Variants in GDPD3 observed in about 807,000 individuals in gnomAD.
GDPD3 encodes glycerophosphodiester phosphodiesterase domain containing 3.
In GDPD3, 40 loss-of-function variants were observed where a neutral mutation model predicts 43.7. That is an observed-to-expected ratio of 0.91 (90% CI 0.71 to 1.19). GDPD3 has a LOEUF of 1.19. GDPD3 is among the 50% of genes most tolerant of loss of function. The pLI is 0.00. For missense variants in GDPD3, 363 were observed against 415.8 expected (o/e 0.87, Z 1.11); for synonymous variants, 145 against 162.9 (o/e 0.89, Z 0.84).
intron 9 of GDPD3, among the ~76,000 whole-genome samples, chr16:30,105,876 C>T (rs987221797): frequency 2.0e-5 from 3 of 151,280 alleles, no homozygotes; most frequent in South Asian, 2.1e-4. Context: ...TTTGGGAGGC[C>T]GAGGCAGGCA....
Position 30,111,217 on chromosome 16 carries a change from G to A in GDPD3, c.707+171C>T. 3 of 703,510 alleles carry A rather than the reference G, an allele frequency of 4.3e-6. No individual in the cohort carries two copies. The South Asian group carries it at 5.6e-5, about 13-fold the overall frequency. 43.6% of individuals were successfully genotyped at this position (703,510 alleles called of 1,614,324 possible). A position where few individuals can be genotyped will look rare whatever the true frequency, so the allele number is the denominator to read the frequency against. On this transcript the variant is annotated intron_variant, in intron 7 of 9. Coordinates refer to ENST00000406256, the MANE Select transcript of GDPD3 (RefSeq NM_024307.3). ...ACTCCACATATGCACAGAATTTCAG[G>A]GTGTTCACAGTTCCCTTAGTATTCA...
rs750330096 is a variant in GDPD3, at chr16:30,112,650, G to A, written c.318+8C>T. On this transcript the variant is annotated splice_region_variant and intron_variant, in intron 3 of 9. Coordinates refer to ENST00000406256, the MANE Select transcript of GDPD3 (RefSeq NM_024307.3). The surrounding 1 kb of genome is among the most constrained non-coding windows in gnomAD (Gnocchi z 5.4). Reference sequence around the variant, plus strand: ...GGGTGGGGGTTGGGGTGTCAGGGCAGGGCCCACCTCGAAGTCCAGGCTGCC... The same window carrying A: ...GGGTGGGGGTTGGGGTGTCAGGGCAAGGCCCACCTCGAAGTCCAGGCTGCC... 6.2e-7 allele frequency: 1 copy of A among 1,614,128 alleles called. No homozygotes were observed. The highest frequency in any genetic ancestry group is 8.5e-7 in the Non-Finnish European group (1 of 1,179,998).
Position 30,104,879 on chromosome 16 carries a change from G to C in GDPD3, c.950C>G (p.Thr317Ser), listed in dbSNP as rs772473273. The C allele has an allele frequency of 6.2e-7, 1 of 1,612,470 alleles. No homozygotes were observed. Among genetic ancestry groups the C allele is most frequent in the Non-Finnish European group, 8.5e-7 (1 of 1,180,002 alleles). Residue 317 changes from threonine (T) to serine (S), a missense_variant, in exon 10 of 10, where the codon ACC becomes AGC. By Grantham distance (58) the Thr-to-Ser change is moderately conservative. Transcript: ENST00000406256. ...ACCTCGAGGCTTCTGGACTTAGGAG[G>C]TCCGGGCAGCTGGTCCATGGTTGTC... ...YLDNHGPAAR[T>S]S
Position 30,104,928 on chromosome 16 carries a change from G to A in GDPD3, c.901C>T (p.Pro301Ser). The A allele has an allele frequency of 6.2e-7, 1 of 1,612,850 alleles. No homozygotes were observed. Among genetic ancestry groups the A allele is most frequent in the Non-Finnish European group, 8.5e-7 (1 of 1,179,978 alleles). ...TCCAGGTAGTGCCGCAGGGCTGTGGGATAATCCGTTATGACGCCAGTGGCT... is the reference window on the plus strand; with the variant it reads ...TCCAGGTAGTGCCGCAGGGCTGTGGAATAATCCGTTATGACGCCAGTGGCT... ...VGATGVITDYPTALRHYLDNH... is the reference protein window; with the variant it reads ...VGATGVITDYSTALRHYLDNH... The change falls in exon 10 of 10, where the codon CCC becomes TCC. Residue 301 changes from proline to serine, a missense_variant. Coordinates refer to ENST00000406256, the MANE Select transcript of GDPD3 (RefSeq NM_024307.3).
chr16:30,113,146 G>A lies in GDPD3; in HGVS notation c.140-82C>T, dbSNP rs1339995262. On this transcript the variant is annotated intron_variant, in intron 1 of 9. Coordinates refer to ENST00000406256, the MANE Select transcript of GDPD3 (RefSeq NM_024307.3). The surrounding 1 kb of genome is among the most constrained non-coding windows in gnomAD (Gnocchi z 5.9). ...CCTCATCACCCACATTCCCTCTCTG[G>A]GCTCCATCCTCCCTCTGGCCTCACC... is the stretch of plus-strand genomic sequence containing the variant. 7.1e-7 allele frequency: 1 copy of A among 1,413,962 alleles called. No individual in the cohort carries two copies. Among genetic ancestry groups the A allele is most frequent in the Non-Finnish European group, 9.8e-7 (1 of 1,017,842 alleles). The allele number at this position is 1,413,962 out of a possible 1,614,324, so 87.6% of individuals were successfully genotyped here.
intron 7 of GDPD3, 44 bp from the exon 8 acceptor site, chr16:30,108,476 T>A: frequency 6.3e-7 from 1 of 1,589,702 alleles, no homozygotes; most frequent in Non-Finnish European, 8.6e-7. Flanking sequence ...GGGTCTCCCC[T>A]GTCCCAGAGG....
intron 7 of GDPD3, among the ~76,000 whole-genome samples, chr16:30,109,035 T>TGG (rs2072881130): frequency 2.0e-5 from 3 of 152,074 alleles, no homozygotes; most frequent in East Asian, 3.9e-4. Flanking sequence ...TTTCACCCTG[T>TGG]TAGCCAGGAT....
rs765510676 is a variant in GDPD3, at chr16:30,113,520, C to T, written c.-42G>A. 7.3e-6 allele frequency: 11 copies of T among 1,503,280 alleles called. No homozygotes were observed. Among genetic ancestry groups the T allele is most frequent in the East Asian group, 2.4e-5 (1 of 41,594 alleles). The allele number at this position is 1,503,280 out of a possible 1,614,324, so 93.1% of individuals were successfully genotyped here. On this transcript the variant is annotated 5_prime_UTR_variant, in exon 1 of 10. Transcript: ENST00000406256. The surrounding 1 kb of genome is among the most constrained non-coding windows in gnomAD (Gnocchi z 5.9). ...AAGCTCCTGCAGCCACACGCTCAGCCGTCCGCGGGACTGTGCTGCCTGCCT... is the reference window on the plus strand; with the variant it reads ...AAGCTCCTGCAGCCACACGCTCAGCTGTCCGCGGGACTGTGCTGCCTGCCT...
intron 7 of GDPD3, 40 bp downstream of exon 7, chr16:30,111,348 G>A: frequency 6.2e-7 from 1 of 1,607,940 alleles, no homozygotes; most frequent in Non-Finnish European, 8.5e-7. Flanking sequence ...GAGACCCTAA[G>A]CAGTGGGGAG....
chr16:30,107,430 A>G (rs1341527892), intron 9 of GDPD3, among the ~76,000 whole-genome samples: 2 of 151,884 alleles, frequency 1.3e-5, no homozygotes, highest in African/African-American at 4.8e-5. Context: ...TCTTCCCTGT[A>G]CCCTTGATGG....
rs1055263935 is a variant in GDPD3 at position 30,112,800 on chromosome 16, G to A, written c.183-7C>T. ...CGAGCGCTGGGCCATGGAGCTGTGG[G>A]GGTGAAGGTCAGCGGGGGGCAGGGG... On this transcript the variant is annotated splice_region_variant and splice_polypyrimidine_tract_variant and intron_variant, in intron 2 of 9. Transcript: ENST00000406256. The surrounding 1 kb of genome is among the most constrained non-coding windows in gnomAD (Gnocchi z 5.4). 6 of 1,606,974 alleles carry A rather than the reference G, an allele frequency of 3.7e-6. No homozygotes were observed. In the South Asian group the frequency reaches 5.5e-5, roughly 15 times the overall value.
Position 30,112,798 on chromosome 16 carries a change from G to A in GDPD3, c.183-5C>T, listed in dbSNP as rs1567352100. The A allele has an allele frequency of 6.2e-7, 1 of 1,607,060 alleles. No homozygotes were observed. The highest frequency in any genetic ancestry group is 8.5e-7 in the Non-Finnish European group (1 of 1,179,744). On this transcript the variant is annotated splice_region_variant and splice_polypyrimidine_tract_variant and intron_variant, in intron 2 of 9. Coordinates refer to ENST00000406256, the MANE Select transcript of GDPD3 (RefSeq NM_024307.3). This position sits in a 1 kb window ranked among gnomAD's most constrained non-coding sequence, Gnocchi z 5.4. Reference sequence around the variant, plus strand: ...TCCGAGCGCTGGGCCATGGAGCTGTGGGGGTGAAGGTCAGCGGGGGGCAGG... The same window carrying A: ...TCCGAGCGCTGGGCCATGGAGCTGTAGGGGTGAAGGTCAGCGGGGGGCAGG...
In GDPD3 at chr16:30,108,258, G is replaced by C; in HGVS notation, c.774C>G (p.Ile258Met). Residue 258 changes from isoleucine (I) to methionine (M), a missense_variant, in exon 9 of 10, where the codon ATC becomes ATG. Physicochemically the swap from Ile to Met is conservative, Grantham distance 10. Coordinates refer to ENST00000406256, the MANE Select transcript of GDPD3 (RefSeq NM_024307.3). ...QLLAVVSKWL[I>M]MRKSLIRHLE... ...AGTGTCGGATCAGACTCTTCCTCATGATCAGCCTGGGGGTGGGGTGGGGAC... is the reference window on the plus strand; with the variant it reads ...AGTGTCGGATCAGACTCTTCCTCATCATCAGCCTGGGGGTGGGGTGGGGAC... The C allele has an allele frequency of 6.2e-7, 1 of 1,611,682 alleles. No homozygotes were observed.
rs372745706 is a variant in GDPD3 at position 30,113,210 on chromosome 16, C to T, written c.139+130G>A. On this transcript the variant is annotated intron_variant, in intron 1 of 9. Transcript: ENST00000406256. The surrounding 1 kb of genome is among the most constrained non-coding windows in gnomAD (Gnocchi z 5.9). ...CAGGCTGCGCCAGCATCTTCTTCCT[C>T]GTCCACACCCTGCCCTGCCACTTCG... 2.1e-4 allele frequency: 288 copies of T among 1,391,596 alleles called. No individual in the cohort carries two copies. Among genetic ancestry groups the T allele is most frequent in the Non-Finnish European group, 2.6e-4 (259 of 1,015,644 alleles). 86.2% of individuals were successfully genotyped at this position (1,391,596 alleles called of 1,614,324 possible). A position where few individuals can be genotyped will look rare whatever the true frequency, so the allele number is the denominator to read the frequency against.
intron 9 of GDPD3, among the ~76,000 whole-genome samples, chr16:30,106,044 G>C (rs1025935505): frequency 7.9e-5 from 12 of 151,972 alleles, no homozygotes; most frequent in Admixed American, 2.6e-4. Context: ...CCAGGAGGTG[G>C]AGGTTGCAGT....
In GDPD3 at chr16:30,105,000, A is replaced by G; in HGVS notation, c.829T>C (p.Trp277Arg). 1 of 1,608,716 alleles carries G rather than the reference A, an allele frequency of 6.2e-7. No individual in the cohort carries two copies. The highest frequency in any genetic ancestry group is 8.5e-7 in the Non-Finnish European group (1 of 1,178,024). Residue 277 changes from tryptophan to arginine, a missense_variant, in exon 10 of 10, where the codon TGG (tryptophan) becomes CGG (arginine). Trp to Arg is a moderately radical substitution (Grantham distance 101, BLOSUM62 -3). Transcript: ENST00000406256. ...LEERGVQVVF[W>R]CLNEESDFEA... ...AAATCCGACTCTTCATTAAGGCACC[A>G]AAAGACCACCTGAGCAGGGAGGGAG...
At position 30,111,436 on chromosome 16, in the gene GDPD3, G is replaced by A. The variant is rs769940611; in HGVS notation, c.659C>T (p.Pro220Leu). 1 of 1,613,896 alleles carries A rather than the reference G, an allele frequency of 6.2e-7. No homozygotes were observed. Among genetic ancestry groups the A allele is most frequent in the African/African-American group, 1.3e-5 (1 of 74,862 alleles). ...GCAGAAGAAGAACTTCTCAGGGATT[G>A]GGATGAAGGGCAGCAGCCCCAGGTA... ...SYYLGLLPFIPIPEKFFFCFL... is the reference protein window; with the variant it reads ...SYYLGLLPFILIPEKFFFCFL... The change falls in exon 7 of 10, where the codon CCA (proline) becomes CTA (leucine). Residue 220 changes from proline to leucine, a missense_variant. Coordinates refer to ENST00000406256, the MANE Select transcript of GDPD3 (RefSeq NM_024307.3).
intron 9 of GDPD3, among the ~76,000 whole-genome samples, chr16:30,106,178 A>G (rs539598938): frequency 5.9e-5 from 9 of 152,258 alleles, no homozygotes; most frequent in South Asian, 2.1e-4. Flanking sequence ...TATTCAAAGC[A>G]TATCTCTTGC....
At chr16:30,111,313 G>A in intron 7 of GDPD3, 75 bp downstream of exon 7, 1 of 1,519,000 alleles carries the variant, frequency 6.6e-7, no homozygotes, top group Non-Finnish European at 9.0e-7. Flanking sequence ...TGGGGAGCTG[G>A]GAAGATCTGG....
Sources: gnomAD v4.1 joint callset for allele counts (sites outside exome capture counted in the v4.1 genomes callset) on GRCh38, gnomAD v4.1.1 for gene constraint, Gnocchi (gnomAD v3.1) non-coding constraint, MANE v1.5 for transcripts, NCBI Gene and HGNC (gene_info 2026-07-23, HGNC 2026-07-21) for gene names.